The following SMAP2 variants were observed in gnomAD, a reference collection of about 807,000 sequenced individuals.
The protein encoded by SMAP2 is stromal membrane-associated protein 2.
Under a neutral mutation model 56.4 loss-of-function variants are expected in SMAP2, and 25 were observed. The observed-to-expected ratio is 0.44, with a 90% CI of 0.32 to 0.62. The LOEUF (loss-of-function observed/expected upper bound fraction) is 0.62, where lower values mean the gene tolerates loss of function less well. Among genes scored for constraint, SMAP2 ranks in the 20% least tolerant of loss-of-function variants. The probability of loss-of-function intolerance (pLI) is 0.04; values close to 1 mark genes in which losing one functional copy is unlikely to be tolerated. For missense variants in SMAP2, 388 were observed against 545.6 expected, an observed-to-expected ratio of 0.71 and a Z score of 2.88; for synonymous variants, 157 against 181.7, an observed-to-expected ratio of 0.86 and a Z score of 1.09.
At chr1:40,373,049 C>T (rs1250106520), upstream of SMAP2, among the ~76,000 whole-genome samples, 1 of 152,084 alleles carries the variant, frequency 6.6e-6, no homozygotes, top group Admixed American at 6.5e-5. Context: ...AATCACTGTC[C>T]CCCACCCTTC....
chr1:40,405,630 T>C (rs1019267294), intron 1 of SMAP2, among the ~76,000 whole-genome samples: 1 of 152,250 alleles, frequency 6.6e-6, no homozygotes, highest in Non-Finnish European at 1.5e-5. Context: ...TTCACCTCTT[T>C]ATTGCATCCT....
intron 1 of SMAP2, among the ~76,000 whole-genome samples, chr1:40,354,329 T>C (rs1424383386): frequency 6.6e-6 from 1 of 152,036 alleles, no homozygotes; most frequent in Non-Finnish European, 1.5e-5. Context: ...TTGTGAGTTT[T>C]TGTTTGTTTG....
intron 1 of SMAP2, among the ~76,000 whole-genome samples, chr1:40,381,961 T>C (rs959133344): frequency 4.6e-5 from 7 of 152,204 alleles, no homozygotes; most frequent in African/African-American, 9.7e-5. Flanking sequence ...TTTTTGAGGC[T>C]GAACATGCTC....
rs1644977168 is a variant in SMAP2 at position 40,415,381 on chromosome 1, G to A, written c.681G>A (p.Lys227=). Residue 227 remains lysine (K), a splice_region_variant and synonymous_variant, in exon 7 of 10, where the codon AAG becomes AAA. Coordinates refer to ENST00000372718, the MANE Select transcript of SMAP2 (RefSeq NM_022733.3). ...CCCCTTCTTCTTCCGGTTCCAGAAA[G>A]GTGAGTCTTGTGGGCTCCTCAGGAT... ...VPSPSSSGSR[K]VVGSMPTAGS... The A allele has an allele frequency of 6.3e-7, 1 of 1,592,934 alleles. No individual in the cohort carries two copies. Among genetic ancestry groups the A allele is most frequent in the Non-Finnish European group, 8.6e-7 (1 of 1,160,882 alleles).
chr1:40,352,714 G>C (rs1180068115), intron 1 of SMAP2, among the ~76,000 whole-genome samples: 1 of 151,960 alleles, frequency 6.6e-6, no homozygotes, highest in Non-Finnish European at 1.5e-5. Flanking sequence ...AGTTTGTAGA[G>C]ACAATGCCTC....
At chr1:40,421,716 C>G (rs967604424) in intron 9 of SMAP2, among the ~76,000 whole-genome samples, 4 of 152,172 alleles carry the variant, frequency 2.6e-5, no homozygotes, top group Non-Finnish European at 5.9e-5. Context: ...GATTTTCTGT[C>G]GACTAGATCC....
Position 40,414,153 on chromosome 1 carries a change from C to T in SMAP2, c.490-6C>T, listed in dbSNP as rs369943151. 4.3e-6 allele frequency: 7 copies of T among 1,613,658 alleles called. No homozygotes were observed. The highest frequency in any genetic ancestry group is 5.9e-6 in the Non-Finnish European group (7 of 1,179,726). Reference sequence around the variant, plus strand: ...TATTTCTTGCTATAACATATTTTCACCTTAGCCACAGAAAAAAGAAGACCC... The same window carrying T: ...TATTTCTTGCTATAACATATTTTCATCTTAGCCACAGAAAAAAGAAGACCC... On this transcript the variant is annotated splice_polypyrimidine_tract_variant and splice_region_variant and intron_variant, in intron 5 of 9. Transcript: ENST00000372718.
intron 1 of SMAP2, chr1:40,403,591 A>C: frequency 1.1e-6 from 1 of 939,622 alleles, no homozygotes; most frequent in Non-Finnish European, 1.3e-6. Flanking sequence ...ACTGGCCCTT[A>C]TCAGGAAGAT....
rs183490282 is a variant in SMAP2, at chr1:40,402,488, C to G, written c.104-4248C>G. Among the ~76,000 whole-genome samples the G allele has an allele frequency of 4.6e-5, 7 of 151,918 alleles. No homozygotes were observed. In the East Asian group the frequency reaches 1.4e-3, roughly 29 times the overall value. On this transcript the variant is annotated intron_variant, in intron 1 of 9. Coordinates refer to ENST00000372718, the MANE Select transcript of SMAP2 (RefSeq NM_022733.3). ...TTTTTTTGAGACAAGGTCTCGCTGT[C>G]ATCTAGGCTGGAGTGCAGTGGTGTG...
At chr1:40,378,890 G>C (rs138260156) in intron 1 of SMAP2, among the ~76,000 whole-genome samples, 6 of 152,086 alleles carry the variant, frequency 3.9e-5, no homozygotes, top group African/African-American at 1.4e-4. Flanking sequence ...AATATGTACG[G>C]TATAAAATCA....
At position 40,373,778 on chromosome 1, in the gene SMAP2, C is replaced by T. The variant is rs1644514912; in HGVS notation, c.-343C>T. ...CTGCCAGGGAAACCGAGGCGCGGGA[C>T]GCAAGGCCAGCAGACAGGCCGGCCA... On this transcript the variant is annotated 5_prime_UTR_variant, in exon 1 of 10. It adds an upstream start codon to the 5' untranslated region. Transcript: ENST00000372718. 2 of 197,336 alleles carry T rather than the reference C, an allele frequency of 1.0e-5. No homozygotes were observed. The highest frequency in any genetic ancestry group is 1.9e-4 in the South Asian group (2 of 10,662). The allele number at this position is 197,336 out of a possible 1,614,324, so 12.2% of individuals were successfully genotyped here.
chr1:40,403,309 C>T (rs1318642576), intron 1 of SMAP2, among the ~76,000 whole-genome samples: 1 of 152,116 alleles, frequency 6.6e-6, no homozygotes, highest in African/African-American at 2.4e-5. Flanking sequence ...AGTTTGAGAC[C>T]AGCCTGGCCA....
At chr1:40,391,360 A>G (rs1396575075) in intron 1 of SMAP2, among the ~76,000 whole-genome samples, 5 of 152,200 alleles carry the variant, frequency 3.3e-5, no homozygotes, top group African/African-American at 1.2e-4. Context: ...GACCATGTCA[A>G]GTTTTCAAAT....
At chr1:40,415,475 A>T (rs761142310) in intron 7 of SMAP2, 94 bp downstream of exon 7, 34 of 862,414 alleles carry the variant, frequency 3.9e-5, no homozygotes, top group Admixed American at 7.7e-5. Flanking sequence ...TCCTTGGTGG[A>T]GTTGGACTTT....
chr1:40,358,800 C>T (rs1644447933), intron 1 of SMAP2, among the ~76,000 whole-genome samples: 1 of 152,126 alleles, frequency 6.6e-6, no homozygotes, highest in Admixed American at 6.5e-5. Context: ...GGATGATCTG[C>T]CCAGTGCTGA....
intron 1 of SMAP2, among the ~76,000 whole-genome samples, chr1:40,394,192 C>T (rs937364828): frequency 6.6e-6 from 1 of 152,042 alleles, no homozygotes; most frequent in African/African-American, 2.4e-5. Flanking sequence ...TCAATCACAC[C>T]ATCTACCATT....
chr1:40,401,725 A>C (rs763500281), intron 1 of SMAP2, among the ~76,000 whole-genome samples: 6 of 152,178 alleles, frequency 3.9e-5, no homozygotes, highest in Non-Finnish European at 8.8e-5. Flanking sequence ...CAGATGTTGA[A>C]TATAAGTTGG....
At chr1:40,364,842 C>A in intron 2 of SMAP2, 2 of 174,550 alleles carry the variant, frequency 1.1e-5, no homozygotes, top group South Asian at 2.8e-4. Flanking sequence ...AAACAGCTGT[C>A]AAAAAGTATA....
At chr1:40,353,169 A>G (rs1644417481) in intron 1 of SMAP2, among the ~76,000 whole-genome samples, 1 of 152,232 alleles carries the variant, frequency 6.6e-6, no homozygotes, top group South Asian at 2.1e-4. Context: ...CTTAAGGGAA[A>G]GACTGCTGTG....
Sources: gnomAD v4.1 joint callset for allele counts (sites outside exome capture counted in the v4.1 genomes callset) on GRCh38, gnomAD v4.1.1 for gene constraint, MANE v1.5 for transcripts, NCBI Gene and HGNC (gene_info 2026-07-23, HGNC 2026-07-21) for gene names.